Variants in DCLRE1C observed in about 807,000 individuals in gnomAD.
The protein encoded by DCLRE1C is protein artemis.
A neutral mutation model predicts 61.4 loss-of-function variants in DCLRE1C; 47 were observed. The ratio of observed to expected loss-of-function variants is 0.77; its 90% CI spans 0.61 to 0.98. The LOEUF is 0.98. Ranked by LOEUF, DCLRE1C falls within the 50% of genes least tolerant of loss-of-function variation. DCLRE1C has a pLI of 0.00. For synonymous variants in DCLRE1C, 337 were observed against 287.6 expected (o/e 1.17, Z -1.74); for missense variants, 858 against 816.0 (o/e 1.05, Z -0.63).
chr10:14,939,601 T>C (rs183005394), intron 4 of DCLRE1C, among the ~76,000 whole-genome samples: 1 of 152,264 alleles, frequency 6.6e-6, no homozygotes, highest in Admixed American at 6.5e-5. Context: ...CAAATGGACT[T>C]ACACAATCAC....
At chr10:14,897,575 A>G in exon 14 of DCLRE1C, 1 of 1,386,028 alleles carries the variant, frequency 7.2e-7, no homozygotes, top group Non-Finnish European at 9.5e-7. Context: ...ACTTTTGGAA[A>G]ATTACCTTTT....
In DCLRE1C at chr10:14,935,523, C is replaced by G. The variant is rs770863428; in HGVS notation, c.404G>C (p.Gly135Ala). The change falls in exon 6 of 14, where the codon GGA (glycine) becomes GCA (alanine). Residue 135 changes from glycine to alanine, a missense_variant. Physicochemically the swap from Gly to Ala is moderately conservative, Grantham distance 60. Transcript: ENST00000378278. The part of the protein sequence containing the change: ...QGNNGTVLYT[G>A]DFRLAQGEAA... ...TTCTCCTTGCGCCAATCTGAAGTCT[C>G]CTGTGTACAGGACAGTTCCATTATT... 1.2e-6 allele frequency: 2 copies of G among 1,614,002 alleles called. No homozygotes were observed. The highest frequency in any genetic ancestry group is 3.3e-5 in the Admixed American group (2 of 59,996).
chr10:14,946,890 T>C (rs1157116050), intron 2 of DCLRE1C, among the ~76,000 whole-genome samples: 2 of 152,048 alleles, frequency 1.3e-5, no homozygotes, highest in East Asian at 3.9e-4. Flanking sequence ...AGGCCTGGGA[T>C]TATAAGCCTA....
chr10:14,905,860 T>G lies in DCLRE1C; in HGVS notation c.*2548A>C, dbSNP rs1834347546. ...ATTAGCCAGGTGTGGCACACACCTG[T>G]AATCCCAGCTACTTGGGAGGCTGAG... On this transcript the variant is annotated 3_prime_UTR_variant, in exon 14 of 14. Transcript: ENST00000378278. 6.6e-6 allele frequency among the ~76,000 whole-genome samples: 1 copy of G among 152,138 alleles called. No homozygotes were observed. Among genetic ancestry groups the G allele is most frequent in the South Asian group, 2.1e-4 (1 of 4,830 alleles).
At chr10:14,947,015 C>T (rs1175731128) in intron 2 of DCLRE1C, among the ~76,000 whole-genome samples, 2 of 152,026 alleles carry the variant, frequency 1.3e-5, no homozygotes, top group African/African-American at 2.4e-5. Context: ...AGTTTGAGAC[C>T]AGCCTGACCA....
chr10:14,910,360 T>A (rs959669033), intron 13 of DCLRE1C, among the ~76,000 whole-genome samples: 1 of 152,188 alleles, frequency 6.6e-6, no homozygotes, highest in Non-Finnish European at 1.5e-5. Context: ...AAAGATCATA[T>A]GTATGTTTTA....
chr10:14,918,483 G>A (rs41300650), intron 13 of DCLRE1C, among the ~76,000 whole-genome samples: 78 of 152,264 alleles, frequency 5.1e-4, no homozygotes, highest in African/African-American at 1.7e-3. Context: ...GAATTACAAA[G>A]GGGCATAAGA....
At chr10:14,932,587 G>A (rs901879806) in intron 9 of DCLRE1C, among the ~76,000 whole-genome samples, 1 of 152,052 alleles carries the variant, frequency 6.6e-6, no homozygotes, top group Non-Finnish European at 1.5e-5. Flanking sequence ...AGTGAGCCTA[G>A]ATCGCACCAC....
rs80156707 is a variant in DCLRE1C, at chr10:14,908,170, T to G, written c.*238A>C. ...TAGCCCACCACCATGCCTGGCTTTT[T>G]TTTTTTTTTTTTTTTTTGTAAGTAG... is the stretch of plus-strand genomic sequence containing the variant. On this transcript the variant is annotated 3_prime_UTR_variant, in exon 14 of 14. Transcript: ENST00000378278. The G allele has an allele frequency of 3.5e-5, 9 of 260,656 alleles. 1 individual carries two copies. Among genetic ancestry groups the G allele is most frequent in the Non-Finnish European group, 2.7e-5 (4 of 147,136 alleles). 16.1% of individuals were successfully genotyped at this position (260,656 alleles called of 1,614,324 possible).
chr10:14,912,721 G>A (rs970336336), intron 13 of DCLRE1C, among the ~76,000 whole-genome samples: 2 of 152,256 alleles, frequency 1.3e-5, no homozygotes, highest in Non-Finnish European at 1.5e-5. Context: ...ACAGAGTCTC[G>A]CTCTGTCGCC....
chr10:14,926,423 G>A (rs2130827613), intron 11 of DCLRE1C, among the ~76,000 whole-genome samples: 1 of 152,280 alleles, frequency 6.6e-6, no homozygotes, highest in Middle Eastern at 3.4e-3. Flanking sequence ...GGGAGGCCAA[G>A]GCAGACGGAT....
rs1213628732 is a variant in DCLRE1C at position 14,905,401 on chromosome 10, GA to G, written c.*3006del. Among the ~76,000 whole-genome samples, 2 of 152,242 alleles carry G rather than the reference GA, an allele frequency of 1.3e-5. No individual in the cohort carries two copies. Among genetic ancestry groups the G allele is most frequent in the Non-Finnish European group, 2.9e-5 (2 of 68,040 alleles). ...TGCCTAGAAATGCAAAGGAATTTTA[GA>G]ATTCAGAGCTCATATTCATTGACCC... is the stretch of plus-strand genomic sequence containing the variant. On this transcript the variant is annotated 3_prime_UTR_variant, in exon 14 of 14. Transcript: ENST00000378278.
At chr10:14,911,147 A>G (rs1442901350) in intron 13 of DCLRE1C, 1 of 152,370 alleles carries the variant, frequency 6.6e-6, no homozygotes, top group Admixed American at 6.5e-5. Flanking sequence ...CAGCCAGGCA[A>G]CGAATCACTC....
chr10:14,920,787 G>A (rs1394662798), intron 12 of DCLRE1C, among the ~76,000 whole-genome samples: 1 of 151,828 alleles, frequency 6.6e-6, no homozygotes, highest in Non-Finnish European at 1.5e-5. Flanking sequence ...TTCAAGACCA[G>A]CCTGGCCAAC....
chr10:14,949,528 A>G (rs1021940677), intron 1 of DCLRE1C, among the ~76,000 whole-genome samples: 8 of 152,232 alleles, frequency 5.3e-5, no homozygotes, highest in African/African-American at 1.9e-4. Context: ...ACTCAGGTTC[A>G]GAGTAAGTGT....
intron 11 of DCLRE1C, 99 bp downstream of exon 11, chr10:14,926,744 G>T: frequency 1.4e-5 from 12 of 863,422 alleles, no homozygotes; most frequent in East Asian, 2.8e-5. Flanking sequence ...AACTTACATA[G>T]AAACAGAGAT....
rs138077101 is a variant in DCLRE1C, at chr10:14,945,182, C to G, written c.169G>C (p.Val57Leu). The G allele has an allele frequency of 1.2e-6, 2 of 1,612,100 alleles. No individual in the cohort carries two copies. Among genetic ancestry groups the G allele is most frequent in the African/African-American group, 2.7e-5 (2 of 74,820 alleles). Residue 57 changes from valine to leucine, a missense_variant, in exon 3 of 14, where the codon GTT becomes CTT. Coordinates refer to ENST00000378278, the MANE Select transcript of DCLRE1C (RefSeq NM_001033855.3). The stretch of plus-strand genomic sequence containing the variant: ...GTCACAGGTGAACAGTATAGATAAA[C>G]CTTCAAGCTGAAAGGAAAAAAGAAA... Reference protein sequence around the residue: ...LKRRLECSLKVYLYCSPVTKE... With the variant: ...LKRRLECSLKLYLYCSPVTKE...
chr10:14,952,520 G>A (rs1333386613), intron 1 of DCLRE1C, among the ~76,000 whole-genome samples: 1 of 152,072 alleles, frequency 6.6e-6, no homozygotes, highest in Non-Finnish European at 1.5e-5. Flanking sequence ...CCCAGGAGGC[G>A]GAGGTTGCAG....
chr10:14,919,896 G>T (rs945142191), intron 12 of DCLRE1C, 64 bp from the exon 13 acceptor site: 11 of 1,296,178 alleles, frequency 8.5e-6, no homozygotes, highest in Non-Finnish European at 1.2e-5. Context: ...AGACATCATT[G>T]ATAGTATTAC....
Sources: gnomAD v4.1 joint callset for allele counts (sites outside exome capture counted in the v4.1 genomes callset) on GRCh38, gnomAD v4.1.1 for gene constraint, MANE v1.5 for transcripts, NCBI Gene and HGNC (gene_info 2026-07-23, HGNC 2026-07-21) for gene names.